The following MBOAT2 variants were observed in gnomAD, a reference collection of about 807,000 sequenced individuals.
MBOAT2 encodes membrane bound glycerophospholipid O-acyltransferase 2.
MBOAT2 carries 28 observed loss-of-function variants against 63.4 expected under a neutral mutation model. The observed-to-expected ratio is 0.44, with a 90% CI of 0.33 to 0.61. MBOAT2 has a LOEUF of 0.61. MBOAT2 is among the 20% of genes least tolerant of loss of function. MBOAT2 has a pLI of 0.03. For missense variants in MBOAT2, 470 were observed against 605.8 expected (o/e 0.78, Z 2.35); for synonymous variants, 211 against 215.6 (o/e 0.98, Z 0.19).
intron 5 of MBOAT2, among the ~76,000 whole-genome samples, chr2:8,887,631 G>A (rs1387418616): frequency 6.6e-6 from 1 of 152,188 alleles, no homozygotes; most frequent in African/African-American, 2.4e-5. Flanking sequence ...AGGTAATTAT[G>A]AATGTGTGTA....
At position 8,986,432 on chromosome 2, in the gene MBOAT2, G is replaced by A. The variant is rs544424611; in HGVS notation, c.75+17108C>T. On this transcript the variant is annotated intron_variant, in intron 1 of 12. Coordinates refer to ENST00000305997, the MANE Select transcript of MBOAT2 (RefSeq NM_138799.4). ...TACAAAATTAGCCGTGCCTGGTGGC[G>A]CATGCCTGTAGTCCCAGCTACTCAG... Among the ~76,000 whole-genome samples the A allele has an allele frequency of 1.6e-4, 24 of 151,988 alleles. No homozygotes were observed. The South Asian group carries it at 4.6e-3, about 29-fold the overall frequency.
At chr2:8,879,568 C>T (rs765716328) in intron 6 of MBOAT2, among the ~76,000 whole-genome samples, 4 of 152,106 alleles carry the variant, frequency 2.6e-5, no homozygotes, top group African/African-American at 4.8e-5. Context: ...TTGGGCTTCT[C>T]GTGTACAGAA....
At chr2:8,987,106 C>T (rs991397992) in intron 1 of MBOAT2, among the ~76,000 whole-genome samples, 5 of 152,196 alleles carry the variant, frequency 3.3e-5, no homozygotes, top group African/African-American at 1.2e-4. Flanking sequence ...CCAGCTGTGA[C>T]AAATGACCAT....
At chr2:8,970,610 T>C (rs1474191663) in intron 1 of MBOAT2, among the ~76,000 whole-genome samples, 2 of 151,998 alleles carry the variant, frequency 1.3e-5, no homozygotes. Context: ...ATCAACAAAG[T>C]TGATAGACCA....
chr2:8,988,888 T>C (rs1406513219), intron 1 of MBOAT2, among the ~76,000 whole-genome samples: 1 of 152,056 alleles, frequency 6.6e-6, no homozygotes, highest in Non-Finnish European at 1.5e-5. Flanking sequence ...TAAAATAAAG[T>C]ATATGAAGAA....
intron 3 of MBOAT2, among the ~76,000 whole-genome samples, chr2:8,909,578 T>C (rs1306285583): frequency 6.6e-6 from 1 of 152,144 alleles, no homozygotes; most frequent in Non-Finnish European, 1.5e-5. Context: ...AAAAAACCTT[T>C]AACTAAAAAA....
At chr2:8,970,458 G>A (rs1670366834) in intron 1 of MBOAT2, among the ~76,000 whole-genome samples, 1 of 152,136 alleles carries the variant, frequency 6.6e-6, no homozygotes, top group Admixed American at 6.5e-5. Flanking sequence ...ACAATTAAAA[G>A]AACTAGAGAA....
intron 3 of MBOAT2, among the ~76,000 whole-genome samples, chr2:8,942,683 T>C (rs1018477687): frequency 6.6e-6 from 1 of 152,178 alleles, no homozygotes; most frequent in Non-Finnish European, 1.5e-5. Flanking sequence ...TGCTTCCATC[T>C]ACTCTACTCC....
rs374729581 is a variant in MBOAT2 at position 8,862,691 on chromosome 2, T to C, written c.1084A>G (p.Thr362Ala). ...GCAGAGAGAATGAACGTCTGGATAG[T>C]TGGACTGAAGGAGGTTCGTTCATAA... ...VCYERTSFSP[T>A]IQTFILSAIW... Residue 362 changes from threonine (T) to alanine (A), a missense_variant, in exon 11 of 13, where the codon ACT becomes GCT. Thr to Ala is a moderately conservative substitution (Grantham distance 58, BLOSUM62 0). This residue lies in a region of MBOAT2 where 376 missense variants were observed against 503.8 expected (regional missense o/e 0.75). Coordinates refer to ENST00000305997, the MANE Select transcript of MBOAT2 (RefSeq NM_138799.4). The surrounding 1 kb of genome is among the most constrained non-coding windows in gnomAD (Gnocchi z 4.3). The C allele has an allele frequency of 1.7e-5, 27 of 1,614,008 alleles. No individual in the cohort carries two copies. In the African/African-American group the frequency reaches 3.3e-4, roughly 20 times the overall value.
chr2:8,972,735 AG>A (rs1446385155), intron 1 of MBOAT2, among the ~76,000 whole-genome samples: 13 of 152,236 alleles, frequency 8.5e-5, no homozygotes, highest in African/African-American at 2.9e-4. Context: ...TCTCAAAAGA[AG>A]ACATTTATGC....
intron 3 of MBOAT2, among the ~76,000 whole-genome samples, chr2:8,914,227 T>G (rs1364736585): frequency 6.6e-6 from 1 of 152,136 alleles, no homozygotes; most frequent in Non-Finnish European, 1.5e-5. Context: ...TGTATACTGC[T>G]TGGGTGATGG....
chr2:8,858,363 C>T lies in MBOAT2; in HGVS notation c.*316G>A. The T allele has an allele frequency of 4.3e-6, 1 of 233,102 alleles. No homozygotes were observed. Among genetic ancestry groups the T allele is most frequent in the Non-Finnish European group, 8.3e-6 (1 of 120,474 alleles). 14.4% of individuals were successfully genotyped at this position (233,102 alleles called of 1,614,324 possible). ...CCAGATTGACACGATTATTTTTCCACCTCTTCAGTGCCTTGGGATACGCAA... is the reference window on the plus strand; with the variant it reads ...CCAGATTGACACGATTATTTTTCCATCTCTTCAGTGCCTTGGGATACGCAA... On this transcript the variant is annotated 3_prime_UTR_variant, in exon 13 of 13. Transcript: ENST00000305997.
chr2:8,987,051 ATAAAG>A (rs1029384728), intron 1 of MBOAT2, among the ~76,000 whole-genome samples: 14 of 152,350 alleles, frequency 9.2e-5, no homozygotes, highest in South Asian at 2.1e-4. Flanking sequence ...AATCTATCAA[ATAAAG>A]TATAGAGTTT....
chr2:8,943,479 A>C (rs1328850910), intron 2 of MBOAT2, among the ~76,000 whole-genome samples: 1 of 152,174 alleles, frequency 6.6e-6, no homozygotes, highest in Non-Finnish European at 1.5e-5. Flanking sequence ...ACAAGGCCTA[A>C]AGCCATGCCC....
rs184662023 is a variant in MBOAT2 at position 8,994,311 on chromosome 2, C to T, written c.75+9229G>A. Among the ~76,000 whole-genome samples the T allele has an allele frequency of 7.1e-4, 108 of 152,262 alleles. No homozygotes were observed. The East Asian group carries it at 0.018, about 25-fold the overall frequency. On this transcript the variant is annotated intron_variant, in intron 1 of 12. Transcript: ENST00000305997. ...GAAAGCGGGGCATGATGGGACTGTTCGGAGGGCCCTAACCAACAGGGCAGC... is the reference window on the plus strand; with the variant it reads ...GAAAGCGGGGCATGATGGGACTGTTTGGAGGGCCCTAACCAACAGGGCAGC...
At chr2:8,919,756 C>T (rs7591399) in intron 3 of MBOAT2, among the ~76,000 whole-genome samples, 15,483 of 151,856 alleles carry the variant, frequency 0.1, 931 homozygotes, top group African/African-American at 0.16. Context: ...TATTATGATT[C>T]ATTTTTAATT....
At position 8,854,394 on chromosome 2, in the gene MBOAT2, C is replaced by G. The variant is rs1364199269; in HGVS notation, c.*4285G>C. The G allele has an allele frequency of 6.6e-6, 1 of 152,174 alleles. No individual in the cohort carries two copies. Among genetic ancestry groups the G allele is most frequent in the African/African-American group, 2.4e-5 (1 of 41,432 alleles). 9.4% of individuals were successfully genotyped at this position (152,174 alleles called of 1,614,324 possible). On this transcript the variant is annotated 3_prime_UTR_variant, in exon 13 of 13. Coordinates refer to ENST00000305997, the MANE Select transcript of MBOAT2 (RefSeq NM_138799.4). ...CAGCAGTTTTATAAGGTATTGAGGG[C>G]AGTTAAGATTACATCTCACAGTGTT...
intron 3 of MBOAT2, among the ~76,000 whole-genome samples, chr2:8,910,745 G>T (rs1281674588): frequency 6.6e-6 from 1 of 152,170 alleles, no homozygotes; most frequent in Non-Finnish European, 1.5e-5. Context: ...GTCTAATGTA[G>T]AGGATTACAA....
intron 3 of MBOAT2, among the ~76,000 whole-genome samples, chr2:8,927,071 G>C (rs189852718): frequency 9.3e-4 from 142 of 152,316 alleles, no homozygotes; most frequent in Admixed American, 3.3e-3. Flanking sequence ...CTTAGAGAGA[G>C]AAAGCATAAG....
Sources: allele counts gnomAD v4.1 joint callset (sites outside exome capture counted in the v4.1 genomes callset), GRCh38; gene constraint gnomAD v4.1.1; regional missense constraint gnomAD v4.1.1; non-coding constraint Gnocchi (gnomAD v3.1); transcripts MANE v1.5; gene names NCBI Gene and HGNC (gene_info 2026-07-23, HGNC 2026-07-21).